The following PPP6R1 variants were observed in gnomAD, a reference collection of about 807,000 sequenced individuals.
The protein encoded by PPP6R1 is serine/threonine-protein phosphatase 6 regulatory subunit 1.
PPP6R1 carries 39 observed loss-of-function variants against 104.6 expected under a neutral mutation model. That is an observed-to-expected ratio of 0.37 (90% CI 0.29 to 0.49). PPP6R1 has a LOEUF of 0.49. PPP6R1 is among the 20% of genes least tolerant of loss of function. The pLI is 0.98. For synonymous variants in PPP6R1, 549 were observed against 479.0 expected (o/e 1.15, Z -1.91); for missense variants, 1,181 against 1,155.8 (o/e 1.02, Z -0.32).
In PPP6R1 at chr19:55,230,301, T is replaced by C. The variant is rs904525182; in HGVS notation, c.*227A>G. On this transcript the variant is annotated 3_prime_UTR_variant, in exon 24 of 24. Transcript: ENST00000412770. The stretch of plus-strand genomic sequence containing the variant: ...TCTCCATTCTCTCTATTTGACTCTC[T>C]GTATCTTTATTCTAGGAGGCAACGC... 1.8e-4 allele frequency: 106 copies of C among 602,312 alleles called. No individual in the cohort carries two copies. The highest frequency in any genetic ancestry group is 1.7e-3 in the African/African-American group (91 of 54,014). 37.3% of individuals were successfully genotyped at this position (602,312 alleles called of 1,614,324 possible).
chr19:55,228,702 AGT>A, downstream of PPP6R1: 1 of 1,613,126 alleles, frequency 6.2e-7, no homozygotes, highest in Middle Eastern at 1.7e-4. Context: ...TGGGCTGAGC[AGT>A]GAGTCTTCAG....
At chr19:55,237,043 T>C (rs2087406470) in intron 15 of PPP6R1, 73 bp from the exon 16 acceptor site, 2 of 1,448,340 alleles carry the variant, frequency 1.4e-6, no homozygotes, top group Non-Finnish European at 1.9e-6. Context: ...GCCACATTTC[T>C]TTCTTCACTC....
In PPP6R1 at chr19:55,245,749, C is replaced by G. The variant is rs2087502927; in HGVS notation, c.228-71G>C. On this transcript the variant is annotated intron_variant, in intron 2 of 23. Coordinates refer to ENST00000412770, the MANE Select transcript of PPP6R1 (RefSeq NM_014931.4). The surrounding 1 kb of genome is among the most constrained non-coding windows in gnomAD (Gnocchi z 6.4). ...GGGCAGGGGGCGGCAAGGCTCCACC[C>G]TCTTCTCTGCACCGGGCACTGGGTT... The G allele has an allele frequency of 1.0e-5, 13 of 1,275,072 alleles. No individual in the cohort carries two copies. The highest frequency in any genetic ancestry group is 1.3e-5 in the Non-Finnish European group (12 of 915,574). 79.0% of individuals were successfully genotyped at this position (1,275,072 alleles called of 1,614,324 possible).
At chr19:55,228,832 G>A (rs868715941), downstream of PPP6R1, 1 of 1,361,002 alleles carries the variant, frequency 7.3e-7, no homozygotes, top group South Asian at 1.2e-5. Flanking sequence ...TTAACCCAAG[G>A]AGCGTCCTGT....
Position 55,230,164 on chromosome 19 carries a change from C to T in PPP6R1, c.*364G>A, listed in dbSNP as rs2087326362. The T allele has an allele frequency of 2.5e-5, 6 of 243,606 alleles. No individual in the cohort carries two copies. The highest frequency in any genetic ancestry group is 4.8e-5 in the Non-Finnish European group (6 of 125,076). 15.1% of individuals were successfully genotyped at this position (243,606 alleles called of 1,614,324 possible). A position where few individuals can be genotyped will look rare whatever the true frequency, so the allele number is the denominator to read the frequency against. ...TTGGGACCCCTAACACCAGCTCCCG[C>T]TGGGACGGAACAGGGAAGGCTGTGC... On this transcript the variant is annotated 3_prime_UTR_variant, in exon 24 of 24. Transcript: ENST00000412770.
At position 55,247,200 on chromosome 19, in the gene PPP6R1, T is replaced by G. The variant is rs2087517063; in HGVS notation, c.-6-91A>C. ...TGACCACAGGGGCTGAGTGCCCACCTTGGGCACAGCCTCTCCCCAAGTCCC... is the reference window on the plus strand; with the variant it reads ...TGACCACAGGGGCTGAGTGCCCACCGTGGGCACAGCCTCTCCCCAAGTCCC... On this transcript the variant is annotated intron_variant, in intron 1 of 23. Transcript: ENST00000412770. 8.3e-6 allele frequency: 11 copies of G among 1,318,288 alleles called. No individual in the cohort carries two copies. In the East Asian group the frequency reaches 1.4e-4, roughly 17 times the overall value. The allele number at this position is 1,318,288 out of a possible 1,614,324, so 81.7% of individuals were successfully genotyped here.
chr19:55,232,070 T>C lies in PPP6R1; in HGVS notation c.2125+5A>G, dbSNP rs2087354165. ...TACACCTGACCACACCGCCCATTCA[T>C]TCACCTGGAGGCTGAGGGCCAGGGC... On this transcript the variant is annotated splice_donor_5th_base_variant and intron_variant, in intron 18 of 23. Transcript: ENST00000412770. The C allele has an allele frequency of 1.9e-6, 3 of 1,612,070 alleles. No individual in the cohort carries two copies. The highest frequency in any genetic ancestry group is 1.7e-6 in the Non-Finnish European group (2 of 1,179,164).
Position 55,242,531 on chromosome 19 carries a change from G to A in PPP6R1, c.619-43C>T, listed in dbSNP as rs375477595. The A allele has an allele frequency of 4.5e-5, 69 of 1,530,118 alleles. 1 individual carries two copies. Among genetic ancestry groups the A allele is most frequent in the Non-Finnish European group, 5.2e-5 (57 of 1,104,556 alleles). 94.8% of individuals were successfully genotyped at this position (1,530,118 alleles called of 1,614,324 possible). ...AGGTGAGGATCCTGGTCGGGCCACCGGGCCCTCTGCAGCCTGGTGCTGGGA... is the reference window on the plus strand; with the variant it reads ...AGGTGAGGATCCTGGTCGGGCCACCAGGCCCTCTGCAGCCTGGTGCTGGGA... On this transcript the variant is annotated intron_variant, in intron 5 of 23. Coordinates refer to ENST00000412770, the MANE Select transcript of PPP6R1 (RefSeq NM_014931.4).
chr19:55,231,644 T>A lies in PPP6R1; in HGVS notation c.2331A>T (p.Ser777=). 6.2e-7 allele frequency: 1 copy of A among 1,610,894 alleles called. No individual in the cohort carries two copies. Among genetic ancestry groups the A allele is most frequent in the South Asian group, 1.1e-5 (1 of 90,544 alleles). Residue 777 remains serine, a synonymous_variant, in exon 20 of 24, where the codon TCA becomes TCT. Transcript: ENST00000412770. The part of the protein sequence containing the change: ...QLRSQDPTPP[S]APQEATEGSK... ...TGCCTTCTGTGGCTTCCTGAGGTGC[T>A]GAGGGGGGTGTGGGGTCCTGAGACC...
chr19:55,240,220 G>A lies in PPP6R1; in HGVS notation c.1361+16C>T, dbSNP rs975353131. ...AGCCCCAGCCCCTGGAGACATGAAG[G>A]GCAGCAGGTGCTCACTGTACACGGT... On this transcript the variant is annotated intron_variant, in intron 11 of 23. Transcript: ENST00000412770. 3.8e-6 allele frequency: 6 copies of A among 1,581,640 alleles called. No homozygotes were observed. In the African/African-American group the frequency reaches 6.8e-5, roughly 18 times the overall value.
At chr19:55,228,880 G>C (rs1365212084), downstream of PPP6R1, 1 of 866,780 alleles carries the variant, frequency 1.2e-6, no homozygotes, top group African/African-American at 1.7e-5. Context: ...GGGAGATGTT[G>C]TCCTCACCCT....
chr19:55,244,749 CTTT>C (rs554641104), intron 5 of PPP6R1, among the ~76,000 whole-genome samples: 1 of 146,564 alleles, frequency 6.8e-6, no homozygotes. Context: ...TCTTTTCTTT[CTTT>C]TTTTTTTTTT....
chr19:55,239,416 C>T lies in PPP6R1; in HGVS notation c.1740G>A (p.Glu580=). 6.2e-7 allele frequency: 1 copy of T among 1,613,738 alleles called. No homozygotes were observed. Among genetic ancestry groups the T allele is most frequent in the Non-Finnish European group, 8.5e-7 (1 of 1,179,668 alleles). ...CAGGAGACACTCACTTCACACTCTCCTCCTGCTCCCCAAACTCCTCATCAT... is the reference window on the plus strand; with the variant it reads ...CAGGAGACACTCACTTCACACTCTCTTCCTGCTCCCCAAACTCCTCATCAT... ...GFNDEEFGEQ[E]ESVNAPFDKT... The change falls in exon 15 of 24, where the codon GAG becomes GAA. Residue 580 remains glutamate, a synonymous_variant. Transcript: ENST00000412770.
At chr19:55,244,927 G>A (rs879362772) in intron 5 of PPP6R1, among the ~76,000 whole-genome samples, 193 bp downstream of exon 5, 6 of 151,970 alleles carry the variant, frequency 3.9e-5, no homozygotes, top group African/African-American at 1.2e-4. Context: ...ACGTAGAGAC[G>A]GGGTGTTACT....
At chr19:55,231,781 C>A in intron 19 of PPP6R1, 21 bp downstream of exon 19, 1 of 1,492,832 alleles carries the variant, frequency 6.7e-7, no homozygotes. Context: ...CACCATTTAG[C>A]CCGTTCCATC....
Position 55,239,993 on chromosome 19 carries a change from C to T in PPP6R1, c.1477+6G>A. On this transcript the variant is annotated splice_donor_region_variant and intron_variant, in intron 12 of 23. Coordinates refer to ENST00000412770, the MANE Select transcript of PPP6R1 (RefSeq NM_014931.4). ...CTAGCCCTCAGGCCGGCCTGGGGAC[C>T]CTCACCCTTCAGCAGCTGCCGCAGC... The T allele has an allele frequency of 6.2e-7, 1 of 1,606,258 alleles. No individual in the cohort carries two copies. The highest frequency in any genetic ancestry group is 8.5e-7 in the Non-Finnish European group (1 of 1,176,882).
At chr19:55,234,704 C>G (rs746700469) in intron 17 of PPP6R1, among the ~76,000 whole-genome samples, 5 of 152,226 alleles carry the variant, frequency 3.3e-5, no homozygotes, top group Non-Finnish European at 7.3e-5. Flanking sequence ...AAAGGCCTGT[C>G]AACTGCAGAA....
intron 1 of PPP6R1, among the ~76,000 whole-genome samples, chr19:55,248,280 C>T (rs115829814): frequency 0.014 from 2,205 of 152,274 alleles, 59 homozygotes; most frequent in African/African-American, 0.05. Flanking sequence ...GTCATCACTC[C>T]GCCACACAGG....
intron 1 of PPP6R1, among the ~76,000 whole-genome samples, chr19:55,249,275 T>C (rs2087534950): frequency 6.6e-6 from 1 of 152,132 alleles, no homozygotes; most frequent in East Asian, 1.9e-4. Flanking sequence ...GGAGTCTCAC[T>C]CTGTTGCCCA....
Sources: gnomAD v4.1 joint callset for allele counts (sites outside exome capture counted in the v4.1 genomes callset) on GRCh38, gnomAD v4.1.1 for gene constraint, Gnocchi (gnomAD v3.1) non-coding constraint, MANE v1.5 for transcripts, NCBI Gene and HGNC (gene_info 2026-07-23, HGNC 2026-07-21) for gene names.